GPS2: variants seen among roughly 807,000 people sequenced by gnomAD.
The protein encoded by GPS2 is G protein pathway suppressor 2, also known as GPS-2.
Under a neutral mutation model 48.1 loss-of-function variants are expected in GPS2, and 22 were observed. That is an observed-to-expected ratio of 0.46 (90% CI 0.33 to 0.65). GPS2 has a LOEUF of 0.65. Ranked by LOEUF, GPS2 falls within the 30% of genes least tolerant of loss-of-function variation. GPS2 has a pLI of 0.03. For missense variants in GPS2, 366 were observed against 406.8 expected (o/e 0.90, Z 0.86); for synonymous variants, 202 against 142.5 (o/e 1.42, Z -2.98).
chr17:7,313,894 T>C lies in GPS2; in HGVS notation c.480+12A>G. 6.2e-7 allele frequency: 1 copy of C among 1,611,700 alleles called. No individual in the cohort carries two copies. Among genetic ancestry groups the C allele is most frequent in the Non-Finnish European group, 8.5e-7 (1 of 1,177,798 alleles). On this transcript the variant is annotated intron_variant, in intron 6 of 10. Coordinates refer to ENST00000380728, the MANE Select transcript of GPS2 (RefSeq NM_004489.5). ...GAAGTACTAGGGGCTAGGCATCCAA[T>C]CCTACTCTCACCGTAAGCACTTGGG...
At position 7,314,583 on chromosome 17, in the gene GPS2, C is replaced by A. The variant is rs764921529; in HGVS notation, c.109G>T (p.Asp37Tyr). The change falls in exon 3 of 11, where the codon GAT becomes TAT. Residue 37 changes from aspartate (D) to tyrosine (Y), a missense_variant. By Grantham distance (160) the Asp-to-Tyr change is radical. Coordinates refer to ENST00000380728, the MANE Select transcript of GPS2 (RefSeq NM_004489.5). ...TTCATCTTCTGTTCCATCATCTTAT[C>A]CACCTCTTCTTCCTCTGGAGAATCA... Reference protein sequence around the residue: ...ERKRQEEEEVDKMMEQKMKEE... With the variant: ...ERKRQEEEEVYKMMEQKMKEE... 1 of 1,613,802 alleles carries A rather than the reference C, an allele frequency of 6.2e-7. No homozygotes were observed. The highest frequency in any genetic ancestry group is 8.5e-7 in the Non-Finnish European group (1 of 1,179,818).
rs200211892 is a variant in GPS2 at position 7,314,508 on chromosome 17, A to G, written c.184T>C (p.Leu62=). Residue 62 remains leucine (L), a synonymous_variant, in exon 3 of 11, where the codon TTA becomes CTA. Coordinates refer to ENST00000380728, the MANE Select transcript of GPS2 (RefSeq NM_004489.5). ...KKKEMEERMS[L]EETKEQILKL... ...CTTACTTGTTCCTTGGTCTCCTCTA[A>G]TGACATTCTCTCTTCCATCTCCTTT... 143 of 1,613,960 alleles carry G rather than the reference A, an allele frequency of 8.9e-5. No individual in the cohort carries two copies. The highest frequency in any genetic ancestry group is 1.2e-4 in the Non-Finnish European group (136 of 1,179,972).
Position 7,314,803 on chromosome 17 carries a change from G to C in GPS2, c.94+156C>G. On this transcript the variant is annotated intron_variant, in intron 2 of 10. Transcript: ENST00000380728. ...CTTCCCATCTCAAGGGTTCTGGAGC[G>C]TGGAACAGGACGCTTAAATCCCACC... The C allele has an allele frequency of 4.7e-6, 6 of 1,273,992 alleles. No individual in the cohort carries two copies. In the South Asian group the frequency reaches 7.6e-5, roughly 16 times the overall value. The allele number at this position is 1,273,992 out of a possible 1,614,324, so 78.9% of individuals were successfully genotyped here.
rs2072911057 is a variant in GPS2 at position 7,314,480 on chromosome 17, C to A, written c.204+8G>T. 6.2e-7 allele frequency: 1 copy of A among 1,614,222 alleles called. No individual in the cohort carries two copies. Among genetic ancestry groups the A allele is most frequent in the Non-Finnish European group, 8.5e-7 (1 of 1,180,032 alleles). On this transcript the variant is annotated splice_region_variant and intron_variant, in intron 3 of 10. Coordinates refer to ENST00000380728, the MANE Select transcript of GPS2 (RefSeq NM_004489.5). ...ATCAAAGCTGGGAAAGTTCAAGGGA[C>A]TGCTTACTTGTTCCTTGGTCTCCTC...
intron 10 of GPS2, 44 bp downstream of exon 10, chr17:7,312,985 C>T: frequency 1.3e-6 from 2 of 1,496,674 alleles, no homozygotes; most frequent in Non-Finnish European, 1.8e-6. Context: ...TTCCGGATCC[C>T]TAGTGTAGGG....
intron 2 of GPS2, 32 bp downstream of exon 2, chr17:7,314,927 C>T: frequency 6.4e-7 from 1 of 1,555,178 alleles, no homozygotes; most frequent in Non-Finnish European, 8.7e-7. Flanking sequence ...CCATTCTGGG[C>T]CGTGCGTCCC....
At chr17:7,315,206 G>A in intron 1 of GPS2, 87 bp from the exon 2 acceptor site, 2 of 410,956 alleles carry the variant, frequency 4.9e-6, no homozygotes, top group Non-Finnish European at 8.3e-6. Context: ...CCGGTCACGT[G>A]TCCCAGGAGC....
At chr17:7,312,905 C>CTGA (rs2143010178) in intron 10 of GPS2, 66 bp from the exon 11 acceptor site, 1 of 1,510,536 alleles carries the variant, frequency 6.6e-7, no homozygotes, top group East Asian at 2.3e-5. Flanking sequence ...TAATACCCTA[C>CTGA]TGATAACCAC....
intron 2 of GPS2, 52 bp downstream of exon 2, chr17:7,314,907 G>T: frequency 6.5e-7 from 1 of 1,538,010 alleles, no homozygotes; most frequent in Non-Finnish European, 8.8e-7. Context: ...CCAGCCTTGA[G>T]GTACAGGAGC....
At position 7,314,138 on chromosome 17, in the gene GPS2, T is replaced by C; in HGVS notation, c.339A>G (p.Ser113=). 6.2e-7 allele frequency: 1 copy of C among 1,613,962 alleles called. No homozygotes were observed. The highest frequency in any genetic ancestry group is 1.1e-5 in the South Asian group (1 of 91,056). The change falls in exon 5 of 11, where the codon TCA becomes TCG. Residue 113 remains serine, a synonymous_variant. Transcript: ENST00000380728. Reference sequence around the variant, plus strand: ...CAGTCAGGCTCTGCTGGTATGCAGCTGATGTTAGGGTGGTCAGGTCACTGG... The same window carrying C: ...CAGTCAGGCTCTGCTGGTATGCAGCCGATGTTAGGGTGGTCAGGTCACTGG... ...KEQSDLTTLT[S]AAYQQSLTVH...
Position 7,314,998 on chromosome 17 carries a change from G to T in GPS2, c.55C>A (p.His19Asn). Reference protein sequence around the residue: ...KLSNAMARALHRHIMMERERK... With the variant: ...KLSNAMARALNRHIMMERERK... ...TCCCGCTCCATCATAATGTGCCGGT[G>T]CAGCGCCCTGGCCATGGCGTTGGAA... Residue 19 changes from histidine to asparagine, a missense_variant, in exon 2 of 11, where the codon CAC becomes AAC. By Grantham distance (68) the His-to-Asn change is moderately conservative. This residue lies in a region of GPS2 where 88 missense variants were observed against 107.4 expected (regional missense o/e 0.82). Coordinates refer to ENST00000380728, the MANE Select transcript of GPS2 (RefSeq NM_004489.5). The T allele has an allele frequency of 6.2e-7, 1 of 1,603,268 alleles. No individual in the cohort carries two copies.
chr17:7,313,772 C>A (rs566844220), intron 6 of GPS2, 51 bp from the exon 7 acceptor site: 1 of 1,603,100 alleles, frequency 6.2e-7, no homozygotes, highest in Non-Finnish European at 8.5e-7. Context: ...AAGCTGAAAC[C>A]CAGTGACTTG....
At chr17:7,313,509 G>A (rs1318206362) in intron 7 of GPS2, 40 bp from the exon 8 acceptor site, 2 of 1,613,172 alleles carry the variant, frequency 1.2e-6, no homozygotes, top group East Asian at 2.2e-5. Flanking sequence ...ATCTTTTACT[G>A]AATGGCATTC....
rs920019180 is a variant in GPS2 at position 7,314,539 on chromosome 17, C to T, written c.153G>A (p.Arg51=). The T allele has an allele frequency of 6.2e-6, 10 of 1,613,802 alleles. No individual in the cohort carries two copies. Among genetic ancestry groups the T allele is most frequent in the African/African-American group, 4.0e-5 (3 of 74,928 alleles). ...EQKMKEEQER[R]KKKEMEERMS... Reference sequence around the variant, plus strand: ...TTCTCTCTTCCATCTCCTTTTTCTTCCTTCTCTCCTGTTCTTCCTTCATCT... The same window carrying T: ...TTCTCTCTTCCATCTCCTTTTTCTTTCTTCTCTCCTGTTCTTCCTTCATCT... Residue 51 remains arginine (R), a synonymous_variant, in exon 3 of 11, where the codon AGG becomes AGA. Transcript: ENST00000380728.
intron 9 of GPS2, 22 bp downstream of exon 9, chr17:7,313,190 C>A: frequency 6.2e-7 from 1 of 1,612,754 alleles, no homozygotes; most frequent in Non-Finnish European, 8.5e-7. Flanking sequence ...CTAACCCTGA[C>A]CTCCCAAGGT....
rs554581003 is a variant in GPS2, at chr17:7,313,013, C to T, written c.900+16G>A. ...GTGTAGGGATTCTGACAGGTAAATT[C>T]TATTACCATTCTTACCTTTCCTGCT... On this transcript the variant is annotated intron_variant, in intron 10 of 10. Coordinates refer to ENST00000380728, the MANE Select transcript of GPS2 (RefSeq NM_004489.5). 3 of 1,534,268 alleles carry T rather than the reference C, an allele frequency of 2.0e-6. No individual in the cohort carries two copies. The highest frequency in any genetic ancestry group is 2.3e-5 in the East Asian group (1 of 44,240).
chr17:7,312,722 TG>T lies in GPS2; in HGVS notation c.*33del. On this transcript the variant is annotated 3_prime_UTR_variant, in exon 11 of 11. Transcript: ENST00000380728. Reference sequence around the variant, plus strand: ...GGGGATACCCTCACCCACGATGGGGTGGGGGGTGTGGTGTTGAAGATATAAT... The same window carrying T: ...GGGGATACCCTCACCCACGATGGGGTGGGGGTGTGGTGTTGAAGATATAAT... 4.7e-6 allele frequency: 7 copies of T among 1,490,338 alleles called. No homozygotes were observed. The highest frequency in any genetic ancestry group is 2.3e-5 in the South Asian group (2 of 88,650). 92.3% of individuals were successfully genotyped at this position (1,490,338 alleles called of 1,614,324 possible).
At chr17:7,314,194 C>G in intron 4 of GPS2, 35 bp from the exon 5 acceptor site, 1 of 1,594,916 alleles carries the variant, frequency 6.3e-7, no homozygotes, top group East Asian at 2.2e-5. Flanking sequence ...AAGTCAAGGA[C>G]AGATGCCTTC....
At position 7,314,730 on chromosome 17, in the gene GPS2, T is replaced by C. The variant is rs2072914913; in HGVS notation, c.95-133A>G. 11 of 1,528,634 alleles carry C rather than the reference T, an allele frequency of 7.2e-6. No homozygotes were observed. The Admixed American group carries it at 1.2e-4, about 17-fold the overall frequency. 94.7% of individuals were successfully genotyped at this position (1,528,634 alleles called of 1,614,324 possible). A position where few individuals can be genotyped will look rare whatever the true frequency, so the allele number is the denominator to read the frequency against. On this transcript the variant is annotated intron_variant, in intron 2 of 10. Transcript: ENST00000380728. ...TTGCCTCGAGGGGACAAGCTCCCCA[T>C]CGCGGCAATAGGGAACGGAAAGGCT... is the stretch of plus-strand genomic sequence containing the variant.
Sources: allele counts gnomAD v4.1 joint callset, GRCh38; gene constraint gnomAD v4.1.1; regional missense constraint gnomAD v4.1.1; transcripts MANE v1.5; gene names NCBI Gene and HGNC (gene_info 2026-07-23, HGNC 2026-07-21).